The following DPP7 variants were observed in gnomAD, a reference collection of about 807,000 sequenced individuals.
DPP7 encodes dipeptidyl peptidase 7, also known as dipeptidyl peptidase 2.
DPP7 carries 74 observed loss-of-function variants against 58.8 expected under a neutral mutation model. That is an observed-to-expected ratio of 1.26 (90% confidence interval 1.04 to 1.53). The LOEUF (loss-of-function observed/expected upper bound fraction) is 1.53. Among genes scored for constraint, DPP7 ranks in the 40% most tolerant of loss-of-function variants. The pLI is 0.00. For missense variants in DPP7, 807 were observed against 692.3 expected, an observed-to-expected ratio of 1.17 and a Z score of -1.86; for synonymous variants, 350 against 303.6, an observed-to-expected ratio of 1.15 and a Z score of -1.59.
At chr9:137,117,836 C>T (rs1324222503), upstream of DPP7, among the ~76,000 whole-genome samples, 6 of 152,050 alleles carry the variant, frequency 3.9e-5, no homozygotes, top group Admixed American at 6.5e-5. Context: ...CGCTGTGCAC[C>T]GTCATCACTA....
intron 8 of DPP7, 50 bp from the exon 9 acceptor site, chr9:137,112,280 G>C: frequency 6.8e-7 from 1 of 1,470,344 alleles, no homozygotes; most frequent in Non-Finnish European, 9.2e-7. Context: ...GACACACCGC[G>C]GGCTCCGGCC....
chr9:137,116,677 G>T (rs1380045559), upstream of DPP7, among the ~76,000 whole-genome samples: 3 of 152,244 alleles, frequency 2.0e-5, no homozygotes, highest in Admixed American at 2.0e-4. Flanking sequence ...CCCATAAAGG[G>T]TCTGTGCTGA....
rs759556695 is a variant in DPP7, at chr9:137,110,900, TC to T, written c.1322del (p.Gly441GlufsTer33). 1.1e-5 allele frequency: 17 copies of T among 1,611,398 alleles called. No homozygotes were observed. In the South Asian group the frequency reaches 1.5e-4, roughly 15 times the overall value. On this transcript the variant is annotated frameshift_variant, in exon 12 of 13. Coordinates refer to ENST00000371579, the MANE Select transcript of DPP7 (RefSeq NM_013379.3). LOFTEE classifies it low-confidence loss of function (END_TRUNC). Reference sequence around the variant, plus strand: ...CGCACCTGAGGTCGAGGTGGTGCGCTCCCCCCTGGATGGTGACGGCGATGAC... The same window carrying T: ...CGCACCTGAGGTCGAGGTGGTGCGCTCCCCCTGGATGGTGACGGCGATGAC... The part of the protein sequence containing the change: ...ASVIAVTIQG[G>X]AHHLDLRASH...
intron 5 of DPP7, 32 bp downstream of exon 5, chr9:137,113,329 A>C (rs760047267): frequency 1.2e-6 from 2 of 1,612,866 alleles, no homozygotes; most frequent in Non-Finnish European, 1.7e-6. Context: ...GCTGTCCCTT[A>C]GGGGGCCTGG....
rs762474229 is a variant in DPP7 at position 137,114,030 on chromosome 9, T to C, written c.322-2A>G. ...CGGCAGCGACTTCCCGTAGTAGCGC[T>C]GGGGGAACGTGCCATTGAGCCCGGC... On this transcript the variant is annotated splice_acceptor_variant, in intron 3 of 12. Coordinates refer to ENST00000371579, the MANE Select transcript of DPP7 (RefSeq NM_013379.3). LOFTEE classifies it high-confidence loss of function. 1 of 1,453,148 alleles carries C rather than the reference T, an allele frequency of 6.9e-7. No individual in the cohort carries two copies. The highest frequency in any genetic ancestry group is 9.1e-7 in the Non-Finnish European group (1 of 1,094,542). 90.0% of individuals were successfully genotyped at this position (1,453,148 alleles called of 1,614,324 possible).
intron 8 of DPP7, 180 bp from the exon 9 acceptor site, chr9:137,112,410 A>G: frequency 1.6e-6 from 1 of 638,532 alleles, no homozygotes; most frequent in Non-Finnish European, 2.7e-6. Flanking sequence ...CTGTGCTGCC[A>G]GCCCCGGGCC....
intron 4 of DPP7, 98 bp from the exon 5 acceptor site, chr9:137,113,594 T>TC: frequency 6.9e-7 from 1 of 1,456,958 alleles, no homozygotes; most frequent in South Asian, 1.4e-5. Context: ...GGACGACACT[T>TC]CTGAGACCCA....
chr9:137,110,910 A>G lies in DPP7; in HGVS notation c.1313T>C (p.Ile438Thr). Residue 438 changes from isoleucine (I) to threonine (T), a missense_variant, in exon 12 of 13, where the codon ATC becomes ACC. Physicochemically the swap from Ile to Thr is moderately conservative, Grantham distance 89 (BLOSUM62 -1). This residue lies in a region of DPP7 where 624 missense variants were observed against 531.2 expected (regional missense o/e 1.17). Transcript: ENST00000371579. ...GTCGAGGTGGTGCGCTCCCCCCTGG[A>G]TGGTGACGGCGATGACTGAGGCACT... ...NLSASVIAVT[I>T]QGGAHHLDLR... The G allele has an allele frequency of 1.2e-6, 2 of 1,612,932 alleles. No individual in the cohort carries two copies. The highest frequency in any genetic ancestry group is 1.7e-6 in the Non-Finnish European group (2 of 1,179,892).
rs754545366 is a variant in DPP7, at chr9:137,112,229, C to T, written c.933G>A (p.Gly311=). The T allele has an allele frequency of 6.3e-7, 1 of 1,597,546 alleles. No homozygotes were observed. The highest frequency in any genetic ancestry group is 1.1e-5 in the South Asian group (1 of 90,592). Residue 311 remains glycine (G), a splice_region_variant and synonymous_variant, in exon 9 of 13, where the codon GGG becomes GGA. Coordinates refer to ENST00000371579, the MANE Select transcript of DPP7 (RefSeq NM_013379.3). The part of the protein sequence containing the change: ...QRITGLRALA[G]LVYNASGSEH... ...CGGAGCCCGAGGCGTTGTAGACCAG[C>T]CCTGGGGAGGAGAGGCGCTGGGGCC... is the stretch of plus-strand genomic sequence containing the variant.
Position 137,112,041 on chromosome 9 carries a change from C to T in DPP7, c.1051-12G>A, listed in dbSNP as rs778043587. On this transcript the variant is annotated splice_polypyrimidine_tract_variant and intron_variant, in intron 9 of 12. Coordinates refer to ENST00000371579, the MANE Select transcript of DPP7 (RefSeq NM_013379.3). ...ATCTCGGTGCAGGCCTGCAGGTGCC[C>T]CAGCCTGAGTCAGGCCAGCCCACGC... 21 of 1,612,604 alleles carry T rather than the reference C, an allele frequency of 1.3e-5. No individual in the cohort carries two copies. In the African/African-American group the frequency reaches 2.8e-4, roughly 22 times the overall value.
chr9:137,111,818 G>T, intron 10 of DPP7, 55 bp downstream of exon 10: 1 of 1,613,110 alleles, frequency 6.2e-7, no homozygotes, highest in Non-Finnish European at 8.5e-7. Context: ...ATGGGCAGGG[G>T]GTGCAGAGCT....
At chr9:137,116,805 T>C (rs1831652212), upstream of DPP7, among the ~76,000 whole-genome samples, 1 of 152,252 alleles carries the variant, frequency 6.6e-6, no homozygotes, top group Non-Finnish European at 1.5e-5. Flanking sequence ...ACATTAGTTC[T>C]ATTCTGAGAC....
Position 137,111,720 on chromosome 9 carries a change from G to T in DPP7, c.1242C>A (p.Asn414Lys), listed in dbSNP as rs200432704. 3 of 1,613,770 alleles carry T rather than the reference G, an allele frequency of 1.9e-6. No homozygotes were observed. The highest frequency in any genetic ancestry group is 4.5e-5 in the East Asian group (2 of 44,876). Residue 414 changes from asparagine (N) to lysine (K), a missense_variant, in exon 11 of 13, where the codon AAC (asparagine) becomes AAA (lysine). Coordinates refer to ENST00000371579, the MANE Select transcript of DPP7 (RefSeq NM_013379.3). ...LRAASNIIFS[N>K]GNLDPWAGGG... ...CCCCTGCCCAGGGGTCCAGGTTCCC[G>T]TTGGAGAAGATGATGTTGCTGGCGG...
chr9:137,110,974 A>G (rs200936376), intron 11 of DPP7, 24 bp from the exon 12 acceptor site: 261 of 1,611,152 alleles, frequency 1.6e-4, no homozygotes, highest in Non-Finnish European at 2.0e-4. Context: ...AAAGAACTCC[A>G]TCAGGTGAGG....
Position 137,114,080 on chromosome 9 carries a change from G to A in DPP7, c.322-52C>T, listed in dbSNP as rs1831517027. The A allele has an allele frequency of 2.5e-6, 3 of 1,191,638 alleles. 1 individual carries two copies. The highest frequency in any genetic ancestry group is 9.0e-5 in the Admixed American group (2 of 22,176). The allele number at this position is 1,191,638 out of a possible 1,614,324, so 73.8% of individuals were successfully genotyped here. On this transcript the variant is annotated intron_variant, in intron 3 of 12. Transcript: ENST00000371579. ...CCCCGCGACCCCGCCCGGCACCCGC[G>A]TGCCCCGCGACCCCCGCCCGCGACC...
chr9:137,115,654 C>G (rs573740477), upstream of DPP7, among the ~76,000 whole-genome samples: 1 of 152,132 alleles, frequency 6.6e-6, no homozygotes, highest in Non-Finnish European at 1.5e-5. Context: ...GAAGACCGGC[C>G]ACTTCCACAG....
rs2131152044 is a variant in DPP7 at position 137,113,194 on chromosome 9, G to A, written c.703+12C>T. 1.2e-6 allele frequency: 2 copies of A among 1,613,634 alleles called. No homozygotes were observed. Among genetic ancestry groups the A allele is most frequent in the South Asian group, 2.2e-5 (2 of 91,086 alleles). On this transcript the variant is annotated intron_variant, in intron 6 of 12. Transcript: ENST00000371579. ...GCGGGTCAGGCAGTGGGAGGCGGTG[G>A]GAGGACCTCACCTCCCTGTAGGAAC...
At chr9:137,115,634 G>T (rs1355373875), upstream of DPP7, among the ~76,000 whole-genome samples, 1 of 152,138 alleles carries the variant, frequency 6.6e-6, no homozygotes, top group African/African-American at 2.4e-5. Flanking sequence ...CCTGTGTGGG[G>T]CTGAGCGGAG....
In DPP7 at chr9:137,113,243, T is replaced by C. The variant is rs1831465431; in HGVS notation, c.666A>G (p.Glu222=). The change falls in exon 6 of 13, where the codon GAA becomes GAG. Residue 222 remains glutamate (E), a synonymous_variant. Coordinates refer to ENST00000371579, the MANE Select transcript of DPP7 (RefSeq NM_013379.3). Reference sequence around the variant, plus strand: ...ACAAGTCCTTGATCTGTCGGAACGCTTCCCGCACACCCTGGGTGCATTTGG... The same window carrying C: ...ACAAGTCCTTGATCTGTCGGAACGCCTCCCGCACACCCTGGGTGCATTTGG... ...QSPKCTQGVR[E]AFRQIKDLFL... 6.2e-7 allele frequency: 1 copy of C among 1,613,648 alleles called. No individual in the cohort carries two copies. Among genetic ancestry groups the C allele is most frequent in the Non-Finnish European group, 8.5e-7 (1 of 1,179,962 alleles).
Sources: gnomAD v4.1 joint callset for allele counts (sites outside exome capture counted in the v4.1 genomes callset) on GRCh38, gnomAD v4.1.1 for gene constraint, gnomAD v4.1.1 regional missense constraint, MANE v1.5 for transcripts, NCBI Gene and HGNC (gene_info 2026-07-23, HGNC 2026-07-21) for gene names.